PAM: variants seen among roughly 807,000 people sequenced by gnomAD.
The protein encoded by PAM is peptidylglycine alpha-amidating monooxygenase.
Under a neutral mutation model 122.1 loss-of-function variants are expected in PAM, and 72 were observed. That is an observed-to-expected ratio of 0.59 (90% CI 0.49 to 0.72). The LOEUF (loss-of-function observed/expected upper bound fraction) is 0.72, where lower values mean the gene tolerates loss of function less well. Ranked by LOEUF, PAM falls within the 30% of genes least tolerant of loss-of-function variation. PAM has a pLI of 0.00. For missense variants in PAM, 1,106 were observed against 1,183.7 expected, an observed-to-expected ratio of 0.93 and a Z score of 0.96; for synonymous variants, 389 against 404.4, an observed-to-expected ratio of 0.96 and a Z score of 0.46.
chr5:102,920,675 G>A (rs1275028233), intron 5 of PAM, among the ~76,000 whole-genome samples: 5 of 151,906 alleles, frequency 3.3e-5, no homozygotes, highest in Non-Finnish European at 7.4e-5. Context: ...TTGATTTTGT[G>A]TTGTGTTTCT....
intron 1 of PAM, among the ~76,000 whole-genome samples, chr5:102,760,850 A>C (rs763784221): frequency 1.3e-4 from 20 of 152,072 alleles, no homozygotes; most frequent in Non-Finnish European, 2.5e-4. Context: ...GAAAAGTGGA[A>C]AAGTATCTAC....
chr5:102,832,954 C>T (rs1392764423), intron 1 of PAM, among the ~76,000 whole-genome samples: 1 of 152,068 alleles, frequency 6.6e-6, no homozygotes, highest in East Asian at 1.9e-4. Context: ...TCACTTAGAC[C>T]AGTGTTTTCT....
chr5:102,884,056 T>A (rs966409571), intron 3 of PAM, among the ~76,000 whole-genome samples: 11 of 151,858 alleles, frequency 7.2e-5, no homozygotes, highest in African/African-American at 2.7e-4. Context: ...ATAACAAAAA[T>A]CCCAATATAC....
At chr5:102,976,580 G>A (rs966312787) in intron 15 of PAM, among the ~76,000 whole-genome samples, 3 of 152,142 alleles carry the variant, frequency 2.0e-5, no homozygotes, top group Admixed American at 6.5e-5. Context: ...GAGCCTAATG[G>A]TCGGAGGAAT....
chr5:102,894,249 T>G (rs1419931608), intron 3 of PAM, among the ~76,000 whole-genome samples: 1 of 151,500 alleles, frequency 6.6e-6, no homozygotes, highest in Non-Finnish European at 1.5e-5. Flanking sequence ...GAAGAAGAAC[T>G]GAGTTCTTTA....
chr5:102,763,473 C>G (rs1752992687), intron 1 of PAM, among the ~76,000 whole-genome samples: 1 of 151,990 alleles, frequency 6.6e-6, no homozygotes. Context: ...AAGACAATCC[C>G]TAATAAAATT....
intron 11 of PAM, among the ~76,000 whole-genome samples, chr5:102,950,416 G>GGTGTGTGTGTGTGTGTGT (rs1554134180): frequency 0.02 from 2,986 of 146,020 alleles, 88 homozygotes; most frequent in African/African-American, 0.073. Flanking sequence ...TATGTGGGTG[G>GGTGTGTGTGTGTGTGTGT]GTGTGTGTGT....
At chr5:102,810,674 C>T (rs1228187934) in intron 1 of PAM, among the ~76,000 whole-genome samples, 2 of 151,862 alleles carry the variant, frequency 1.3e-5, no homozygotes, top group African/African-American at 4.8e-5. Context: ...ACTAAAAATA[C>T]AAAATTAGTC....
intron 1 of PAM, among the ~76,000 whole-genome samples, chr5:102,803,146 A>AAAGGAAGGAAGGAAGG (rs149345963): frequency 2.2e-5 from 3 of 133,692 alleles, no homozygotes; most frequent in South Asian, 2.3e-4. Context: ...AGAAAGAAAG[A>AAAGGAAGGAAGGAAGG]AAGGAAGGAA....
intron 15 of PAM, among the ~76,000 whole-genome samples, chr5:102,983,520 G>GAT (rs1205319296): frequency 6.6e-6 from 1 of 151,296 alleles, no homozygotes; most frequent in Non-Finnish European, 1.5e-5. Context: ...TATGTAATAT[G>GAT]ATATATAGGA....
intron 5 of PAM, among the ~76,000 whole-genome samples, chr5:102,919,109 C>G (rs1746462401): frequency 6.6e-6 from 1 of 152,044 alleles, no homozygotes; most frequent in South Asian, 2.1e-4. Flanking sequence ...CATTCTCAAG[C>G]TAAAGCAGTA....
intron 1 of PAM, among the ~76,000 whole-genome samples, chr5:102,842,313 T>A (rs1778862871): frequency 6.6e-6 from 1 of 152,048 alleles, no homozygotes; most frequent in South Asian, 2.1e-4. Flanking sequence ...TCATCTTAAA[T>A]TCCCATGTGT....
chr5:103,019,073 T>C (rs937210690), intron 22 of PAM, among the ~76,000 whole-genome samples: 4 of 152,274 alleles, frequency 2.6e-5, no homozygotes, highest in South Asian at 2.1e-4. Context: ...GGCCCGGGAT[T>C]TGGGGACCCC....
chr5:103,001,529 C>G (rs958973314), intron 16 of PAM, among the ~76,000 whole-genome samples: 13 of 151,944 alleles, frequency 8.6e-5, no homozygotes, highest in South Asian at 4.1e-4. Flanking sequence ...AAGAGTATTA[C>G]TGAAGTTTTA....
chr5:103,017,517 C>T (rs772787281), intron 22 of PAM, 84 bp downstream of exon 22: 1 of 844,722 alleles, frequency 1.2e-6, no homozygotes. Context: ...TTTGCATTTC[C>T]TTATCTTTTT....
intron 1 of PAM, among the ~76,000 whole-genome samples, chr5:102,766,866 T>G (rs1246853741): frequency 6.6e-6 from 1 of 151,516 alleles, no homozygotes; most frequent in African/African-American, 2.4e-5. Flanking sequence ...ATTCATATAT[T>G]TATTCGTATA....
At chr5:102,882,031 C>T (rs1325152955) in intron 3 of PAM, among the ~76,000 whole-genome samples, 1 of 118,758 alleles carries the variant, frequency 8.4e-6, no homozygotes, top group African/African-American at 3.1e-5. Flanking sequence ...CTTTTTGTGG[C>T]TGAGTAGTAT....
chr5:102,830,895 GT>G (rs111639132), intron 1 of PAM, among the ~76,000 whole-genome samples: 3 of 151,490 alleles, frequency 2.0e-5, no homozygotes, highest in East Asian at 1.9e-4. Context: ...GTTTTGTTTT[GT>G]TTTGTTTTGT....
rs1426994826 is a variant in PAM at position 102,866,172 on chromosome 5, C to T, written c.-24C>T. ...CGCGCTGCGCTGCCCGGTCCTCTCC[C>T]GGCGGGGTCGTATCGGCGTGGACAT... is the stretch of plus-strand genomic sequence containing the variant. On this transcript the variant is annotated 5_prime_UTR_variant, in exon 2 of 26. Transcript: ENST00000438793. The T allele has an allele frequency of 1.3e-6, 2 of 1,567,800 alleles. No individual in the cohort carries two copies. The highest frequency in any genetic ancestry group is 1.8e-6 in the Non-Finnish European group (2 of 1,140,390).
Sources: gnomAD v4.1 joint callset for allele counts (sites outside exome capture counted in the v4.1 genomes callset) on GRCh38, gnomAD v4.1.1 for gene constraint, MANE v1.5 for transcripts, NCBI Gene and HGNC (gene_info 2026-07-23, HGNC 2026-07-21) for gene names.